THSD4: variants seen among roughly 807,000 people sequenced by gnomAD.
THSD4 encodes the protein thrombospondin type-1 domain-containing protein 4.
A neutral mutation model predicts 119.0 loss-of-function variants in THSD4; 69 were observed. The ratio of observed to expected loss-of-function variants is 0.58; its 90% confidence interval spans 0.48 to 0.71. The LOEUF (loss-of-function observed/expected upper bound fraction) is 0.71, where lower values mean the gene tolerates loss of function less well. THSD4 is among the 30% of genes least tolerant of loss of function. THSD4 has a pLI of 0.00. For missense variants in THSD4, 1,393 were observed against 1,391.1 expected, an observed-to-expected ratio of 1.00 and a Z score of -0.02; for synonymous variants, 524 against 540.4, an observed-to-expected ratio of 0.97 and a Z score of 0.42.
intron 6 of THSD4, among the ~76,000 whole-genome samples, chr15:71,295,794 A>G (rs1455063941): frequency 6.6e-6 from 1 of 152,120 alleles, no homozygotes. Flanking sequence ...CATTTTTATC[A>G]TGTCAGTAAT....
rs901677498 is a variant in THSD4, at chr15:71,108,990, TCAAA to T, written c.-80+12005_-80+12008del. Among the ~76,000 whole-genome samples the T allele has an allele frequency of 2.3e-4, 35 of 152,108 alleles. No individual in the cohort carries two copies. In the South Asian group the frequency reaches 3.9e-3, roughly 17 times the overall value. Reference sequence around the variant, plus strand: ...CTGGGCAACAGAGTGAGACTCCGTCTCAAACAAACAAACAAACAAACAAAAAAAC... The same window carrying T: ...CTGGGCAACAGAGTGAGACTCCGTCTCAAACAAACAAACAAACAAAAAAAC... On this transcript the variant is annotated intron_variant, in intron 1 of 17. Transcript: ENST00000355327.
chr15:71,456,582 C>T (rs144955401), intron 7 of THSD4, among the ~76,000 whole-genome samples: 2 of 152,218 alleles, frequency 1.3e-5, no homozygotes, highest in East Asian at 3.9e-4. Context: ...CAGTCTTATA[C>T]TTGGTGGGTG....
intron 2 of THSD4, among the ~76,000 whole-genome samples, chr15:71,144,207 T>C (rs1335382722): frequency 6.6e-6 from 1 of 152,202 alleles, no homozygotes; most frequent in African/African-American, 2.4e-5. Context: ...GATCTCAGCT[T>C]GAGATTCCCA....
chr15:71,745,968 A>G (rs193078376), intron 12 of THSD4, among the ~76,000 whole-genome samples: 1 of 152,268 alleles, frequency 6.6e-6, no homozygotes, highest in East Asian at 1.9e-4. Context: ...TGAATGATAA[A>G]TGGGACACTT....
At chr15:71,529,211 C>T (rs2048574367) in intron 7 of THSD4, among the ~76,000 whole-genome samples, 1 of 152,190 alleles carries the variant, frequency 6.6e-6, no homozygotes, top group African/African-American at 2.4e-5. Flanking sequence ...CCTCCCTGCC[C>T]ACCATCTGAG....
intron 1 of THSD4, among the ~76,000 whole-genome samples, chr15:71,100,353 T>C (rs2040248996): frequency 1.3e-5 from 2 of 152,172 alleles, no homozygotes; most frequent in Admixed American, 1.3e-4. Context: ...AGTTGCCATG[T>C]TGGGGAGGCT....
At chr15:71,600,109 G>T (rs1473374148) in intron 7 of THSD4, among the ~76,000 whole-genome samples, 1 of 152,210 alleles carries the variant, frequency 6.6e-6, no homozygotes, top group Non-Finnish European at 1.5e-5. Flanking sequence ...CAGCAATTAA[G>T]ATTCTGCAGC....
chr15:71,170,079 C>T (rs896225873), intron 3 of THSD4, among the ~76,000 whole-genome samples: 5 of 152,030 alleles, frequency 3.3e-5, no homozygotes, highest in South Asian at 2.1e-4. Context: ...GAAGCTGAAG[C>T]GGGAGAATCT....
chr15:71,457,966 A>G (rs1230604270), intron 7 of THSD4, among the ~76,000 whole-genome samples: 1 of 152,230 alleles, frequency 6.6e-6, no homozygotes, highest in African/African-American at 2.4e-5. Flanking sequence ...AAATGAAGTC[A>G]GGGGATCTGT....
intron 7 of THSD4, among the ~76,000 whole-genome samples, chr15:71,500,719 C>T (rs1270965492): frequency 2.0e-5 from 3 of 152,212 alleles, no homozygotes; most frequent in Non-Finnish European, 4.4e-5. Flanking sequence ...CCCAATACCA[C>T]GTGTTGGAGA....
chr15:71,537,071 C>T (rs138605759), intron 7 of THSD4, among the ~76,000 whole-genome samples: 25 of 152,270 alleles, frequency 1.6e-4, no homozygotes, highest in Non-Finnish European at 2.9e-4. Context: ...TCACAGTTAA[C>T]ATTGTCTTTA....
intron 17 of THSD4, among the ~76,000 whole-genome samples, chr15:71,776,324 C>T (rs1048615559): frequency 3.3e-5 from 5 of 152,146 alleles, no homozygotes; most frequent in Non-Finnish European, 7.4e-5. Flanking sequence ...GCACATATAA[C>T]CTAACTCACA....
intron 6 of THSD4, chr15:71,341,437 C>T (rs1461591101): frequency 6.2e-7 from 1 of 1,612,920 alleles, no homozygotes; most frequent in Admixed American, 1.7e-5. Flanking sequence ...TAAGCATGTG[C>T]AGCAAGAATT....
intron 7 of THSD4, among the ~76,000 whole-genome samples, chr15:71,519,007 T>G (rs2048400342): frequency 6.6e-6 from 1 of 152,256 alleles, no homozygotes. Context: ...TAATTTCAGA[T>G]GTTGGCAATG....
chr15:71,750,173 C>G (rs548773490), intron 14 of THSD4, among the ~76,000 whole-genome samples: 2 of 152,296 alleles, frequency 1.3e-5, no homozygotes, highest in African/African-American at 4.8e-5. Flanking sequence ...CATGAGCCCC[C>G]ACCCCGTCCC....
intron 8 of THSD4, among the ~76,000 whole-genome samples, chr15:71,724,002 G>A (rs539765264): frequency 6.6e-6 from 1 of 150,812 alleles, no homozygotes; most frequent in Non-Finnish European, 1.5e-5. Context: ...GTTGCAGTGA[G>A]CAGTAAGCCA....
chr15:71,605,567 A>G (rs1343504424), intron 7 of THSD4, among the ~76,000 whole-genome samples: 1 of 152,236 alleles, frequency 6.6e-6, no homozygotes, highest in Non-Finnish European at 1.5e-5. Context: ...CAGTGGTGGG[A>G]TAACAGCAAA....
At chr15:71,593,012 C>G (rs575742910) in intron 7 of THSD4, among the ~76,000 whole-genome samples, 1 of 152,268 alleles carries the variant, frequency 6.6e-6, no homozygotes, top group East Asian at 1.9e-4. Context: ...AGATTTGAAC[C>G]TCAGGTTCTT....
At chr15:71,615,669 G>A (rs916547153) in intron 7 of THSD4, among the ~76,000 whole-genome samples, 2 of 152,080 alleles carry the variant, frequency 1.3e-5, no homozygotes, top group African/African-American at 4.8e-5. Context: ...AGGGAAACAA[G>A]AGCTGTTTCC....
Sources: allele counts gnomAD v4.1 joint callset (sites outside exome capture counted in the v4.1 genomes callset), GRCh38; gene constraint gnomAD v4.1.1; transcripts MANE v1.5; gene names NCBI Gene and HGNC (gene_info 2026-07-23, HGNC 2026-07-21).